Variants in COL24A1 observed in about 807,000 individuals in gnomAD.
COL24A1 encodes collagen alpha-1(XXIV) chain.
Under a neutral mutation model 253.9 loss-of-function variants are expected in COL24A1, and 224 were observed. That is an observed-to-expected ratio of 0.88 (90% CI 0.79 to 0.99). The LOEUF (loss-of-function observed/expected upper bound fraction) is 0.99, where lower values mean the gene tolerates loss of function less well. Ranked by LOEUF, COL24A1 falls within the 50% of genes least tolerant of loss-of-function variation. COL24A1 has a pLI of 0.00. For missense variants in COL24A1, 2,131 were observed against 2,068.5 expected, an observed-to-expected ratio of 1.03 and a Z score of -0.59; for synonymous variants, 685 against 673.7, an observed-to-expected ratio of 1.02 and a Z score of -0.26.
intron 37 of COL24A1, among the ~76,000 whole-genome samples, chr1:85,861,754 C>G (rs192241957): frequency 7.2e-5 from 11 of 152,328 alleles, no homozygotes; most frequent in Non-Finnish European, 1.5e-4. Flanking sequence ...GCCAATAACA[C>G]TAACCACACT....
intron 7 of COL24A1, among the ~76,000 whole-genome samples, chr1:86,071,722 G>C (rs567292348): frequency 4.9e-4 from 75 of 152,198 alleles, no homozygotes; most frequent in African/African-American, 1.7e-3. Flanking sequence ...ATGCACTAAA[G>C]CACCCAGATA....
At chr1:86,046,176 A>G (rs1283952254) in intron 12 of COL24A1, among the ~76,000 whole-genome samples, 1 of 152,190 alleles carries the variant, frequency 6.6e-6, no homozygotes, top group Non-Finnish European at 1.5e-5. Context: ...GATTTTATTC[A>G]GGTACACAAA....
intron 24 of COL24A1, among the ~76,000 whole-genome samples, chr1:85,921,631 C>T (rs191650769): frequency 2.6e-4 from 40 of 152,276 alleles, no homozygotes; most frequent in Middle Eastern, 3.4e-3. Context: ...TCAACATCAA[C>T]GAAAAGGACA....
At chr1:85,778,945 G>A (rs959655604) in intron 52 of COL24A1, among the ~76,000 whole-genome samples, 4 of 152,138 alleles carry the variant, frequency 2.6e-5, no homozygotes, top group Non-Finnish European at 5.9e-5. Flanking sequence ...CATTAAAGTC[G>A]TTAAAAGTTC....
At chr1:85,870,259 C>A (rs952617604) in intron 35 of COL24A1, among the ~76,000 whole-genome samples, 1 of 152,178 alleles carries the variant, frequency 6.6e-6, no homozygotes, top group Non-Finnish European at 1.5e-5. Context: ...GAGACTTTAA[C>A]ACCCCATTGT....
rs141712792 is a variant in COL24A1, at chr1:85,921,136, C to T, written c.2563-9703G>A. ...GAACCAAATCAGGGTGGGGCATCGC[C>T]TCACCTGGGAAGTGCAAGGGGTTGG... On this transcript the variant is annotated intron_variant, in intron 24 of 59. Coordinates refer to ENST00000370571, the MANE Select transcript of COL24A1 (RefSeq NM_152890.7). Among the ~76,000 whole-genome samples the T allele has an allele frequency of 4.7e-3, 710 of 152,266 alleles. 10 individuals carry two copies. Among genetic ancestry groups the T allele is most frequent in the African/African-American group, 0.016 (672 of 41,546 alleles).
intron 24 of COL24A1, among the ~76,000 whole-genome samples, chr1:85,914,071 C>T (rs978100351): frequency 2.6e-5 from 4 of 152,144 alleles, no homozygotes; most frequent in African/African-American, 9.7e-5. Context: ...CACCTCATAC[C>T]TTACATTGGT....
intron 20 of COL24A1, among the ~76,000 whole-genome samples, chr1:85,980,777 T>C (rs1340499156): frequency 6.6e-6 from 1 of 151,894 alleles, no homozygotes; most frequent in African/African-American, 2.4e-5. Flanking sequence ...GGCATGGTGG[T>C]GGGCACCTGT....
At chr1:85,827,779 A>G (rs546762700) in intron 43 of COL24A1, among the ~76,000 whole-genome samples, 1 of 151,986 alleles carries the variant, frequency 6.6e-6, no homozygotes, top group East Asian at 1.9e-4. Context: ...TATCCCCTTT[A>G]TCATTTTTTA....
intron 32 of COL24A1, among the ~76,000 whole-genome samples, chr1:85,883,161 C>T (rs899266340): frequency 3.3e-5 from 5 of 151,898 alleles, no homozygotes; most frequent in Admixed American, 2.0e-4. Context: ...CTTCTTCTTT[C>T]GTCTTCTTCT....
At chr1:85,761,448 T>A in intron 54 of COL24A1, 26 bp from the exon 55 acceptor site, 3 of 1,613,686 alleles carry the variant, frequency 1.9e-6, no homozygotes, top group Non-Finnish European at 1.7e-6. Flanking sequence ...TTAAAAAAAA[T>A]ACACATTTAT....
chr1:85,891,307 A>G (rs1683113817), intron 31 of COL24A1, among the ~76,000 whole-genome samples: 1 of 143,572 alleles, frequency 7.0e-6, no homozygotes, highest in African/African-American at 2.6e-5. Context: ...CTCGTGATCC[A>G]CCCGCCTTGG....
chr1:85,987,788 A>AT, intron 19 of COL24A1, 134 bp from the exon 20 acceptor site: 1 of 685,366 alleles, frequency 1.5e-6, no homozygotes, highest in Non-Finnish European at 2.4e-6. Flanking sequence ...AATATTGAAG[A>AT]TTAAGTTAGG....
At chr1:85,741,660 G>C (rs1309848362) in intron 57 of COL24A1, among the ~76,000 whole-genome samples, 1 of 152,064 alleles carries the variant, frequency 6.6e-6, no homozygotes, top group Non-Finnish European at 1.5e-5. Flanking sequence ...CCAAATGTTG[G>C]GTTCACTTTC....
intron 43 of COL24A1, among the ~76,000 whole-genome samples, chr1:85,835,351 C>T (rs968244444): frequency 1.5e-4 from 23 of 152,078 alleles, no homozygotes; most frequent in African/African-American, 5.3e-4. Context: ...AGGATGGTCT[C>T]GATCTCCTGA....
At chr1:85,806,909 C>G (rs1381564971) in intron 47 of COL24A1, among the ~76,000 whole-genome samples, 1 of 152,186 alleles carries the variant, frequency 6.6e-6, no homozygotes, top group Non-Finnish European at 1.5e-5. Context: ...ACTGAGAACC[C>G]AACCCACTGT....
intron 2 of COL24A1, among the ~76,000 whole-genome samples, chr1:86,126,464 T>G (rs1348335761): frequency 2.0e-5 from 3 of 151,912 alleles, no homozygotes; most frequent in Admixed American, 6.6e-5. Flanking sequence ...CCAAAACTTA[T>G]TTATTATTAG....
chr1:86,092,387 G>C (rs1471832282), intron 5 of COL24A1, 67 bp from the exon 6 acceptor site: 1 of 1,142,590 alleles, frequency 8.8e-7, no homozygotes, highest in African/African-American at 1.5e-5. Flanking sequence ...TATATCTTCA[G>C]GTATTTATTA....
intron 53 of COL24A1, among the ~76,000 whole-genome samples, chr1:85,765,025 T>G (rs1322685961): frequency 6.6e-6 from 1 of 152,236 alleles, no homozygotes; most frequent in African/African-American, 2.4e-5. Flanking sequence ...TTAAAAAGTT[T>G]GATACTTTTA....
Sources: allele counts gnomAD v4.1 joint callset (sites outside exome capture counted in the v4.1 genomes callset), GRCh38; gene constraint gnomAD v4.1.1; transcripts MANE v1.5; gene names NCBI Gene and HGNC (gene_info 2026-07-23, HGNC 2026-07-21).